C12orf43: variants seen among roughly 807,000 people sequenced by gnomAD.
C12orf43 encodes the protein chromosome 12 open reading frame 43.
In C12orf43, 15 loss-of-function variants were observed where a neutral mutation model predicts 20.6. The ratio of observed to expected loss-of-function variants is 0.73; its 90% CI spans 0.49 to 1.12. C12orf43 has a LOEUF of 1.12. Ranked by LOEUF, C12orf43 falls within the 50% of genes most tolerant of loss-of-function variation. C12orf43 has a pLI of 0.00. For missense variants in C12orf43, 334 were observed against 344.4 expected (o/e 0.97, Z 0.24); for synonymous variants, 144 against 130.8 (o/e 1.10, Z -0.69).
At chr12:121,006,595 A>C in intron 3 of C12orf43, 1 of 564,814 alleles carries the variant, frequency 1.8e-6, no homozygotes, top group South Asian at 2.0e-5. Context: ...TCATTTCTTT[A>C]AAGCCCACTT....
At chr12:121,012,849 T>TAAAAAAAAAAAAAAAAAAAAAA (rs10636003) in intron 1 of C12orf43, among the ~76,000 whole-genome samples, 2 of 91,992 alleles carry the variant, frequency 2.2e-5, no homozygotes, top group African/African-American at 5.1e-5. Context: ...AGACTCCGTC[T>TAAAAAAAAAAAAAAAAAAAAAA]AAAAAAAAAA....
rs1480625208 is a variant in C12orf43, at chr12:121,005,269, AAAAG to A, written c.362-180_362-177del. On this transcript the variant is annotated intron_variant, in intron 4 of 5. Transcript: ENST00000288757. The surrounding 1 kb of genome is among the most constrained non-coding windows in gnomAD (Gnocchi z 5.6). ...GAAGACACAAAATAAAAAAATTTAA[AAAAG>A]AAACAATAACAAAAAAACCCAACCA... Among the ~76,000 whole-genome samples the A allele has an allele frequency of 1.3e-5, 2 of 152,016 alleles. No individual in the cohort carries two copies. Among genetic ancestry groups the A allele is most frequent in the African/African-American group, 4.8e-5 (2 of 41,434 alleles).
chr12:121,014,145 C>T (rs199681764), intron 1 of C12orf43, among the ~76,000 whole-genome samples: 10 of 151,262 alleles, frequency 6.6e-5, no homozygotes, highest in East Asian at 2.0e-4. Context: ...CTGGCCAACA[C>T]GGTGAAACCC....
chr12:121,004,390 C>T lies in C12orf43; in HGVS notation c.552G>A (p.Glu184=), dbSNP rs1396267838. The change falls in exon 6 of 6, where the codon GAG becomes GAA. Residue 184 remains glutamate (E), a synonymous_variant. Coordinates refer to ENST00000288757, the MANE Select transcript of C12orf43 (RefSeq NM_022895.3). The surrounding 1 kb of genome is among the most constrained non-coding windows in gnomAD (Gnocchi z 5.6). ...ESAIHSPGTV[E]KEAKKKRKLK... ...ACTTCCTTTTCTTCTTTGCCTCCTT[C>T]TCCACTGTTCCAGGGCTGTGGATGG... 1 of 1,614,176 alleles carries T rather than the reference C, an allele frequency of 6.2e-7. No homozygotes were observed. Among genetic ancestry groups the T allele is most frequent in the African/African-American group, 1.3e-5 (1 of 75,070 alleles).
At position 121,003,011 on chromosome 12, in the gene C12orf43, CTTCTT is replaced by C. The variant is rs1175018685; in HGVS notation, c.*1137_*1141del. 6.7e-6 allele frequency: 1 copy of C among 149,692 alleles called. No individual in the cohort carries two copies. The highest frequency in any genetic ancestry group is 2.4e-5 in the African/African-American group (1 of 41,062). 9.3% of individuals were successfully genotyped at this position (149,692 alleles called of 1,614,324 possible). ...CACCATCCCTGGCCATGAGCTTCTA[CTTCTT>C]TTCTTTTTCTTTTTCTTTTTTTTTT... On this transcript the variant is annotated 3_prime_UTR_variant, in exon 6 of 6. Coordinates refer to ENST00000288757, the MANE Select transcript of C12orf43 (RefSeq NM_022895.3).
Position 121,003,106 on chromosome 12 carries a change from A to T in C12orf43, c.*1047T>A, listed in dbSNP as rs1198620909. 1 of 150,346 alleles carries T rather than the reference A, an allele frequency of 6.7e-6. No homozygotes were observed. Among genetic ancestry groups the T allele is most frequent in the African/African-American group, 2.5e-5 (1 of 40,698 alleles). The allele number at this position is 150,346 out of a possible 1,614,324, so 9.3% of individuals were successfully genotyped here. On this transcript the variant is annotated 3_prime_UTR_variant, in exon 6 of 6. Transcript: ENST00000288757. ...CAGTGGCGCAATCTCGGCTCACTGC[A>T]ACCTGCACCTCCTGGGTTCAAGCGA...
rs370383863 is a variant in C12orf43 at position 121,016,415 on chromosome 12, C to A, written c.60G>T (p.Ala20=). 4 of 1,613,928 alleles carry A rather than the reference C, an allele frequency of 2.5e-6. No homozygotes were observed. The African/African-American group carries it at 4.0e-5, about 16-fold the overall frequency. ...CCTCGCGGCACCGCTCCAGCTCCTC[C>A]GCATCGCTACTGCTGTTACTACTTT... ...DSESSNSSSD[A]EELERCREAA... is the part of the protein sequence containing the mutation. Residue 20 remains alanine (A), a synonymous_variant, in exon 1 of 6, where the codon GCG becomes GCT. Transcript: ENST00000288757.
chr12:121,014,313 C>T (rs1447242312), intron 1 of C12orf43, among the ~76,000 whole-genome samples: 2 of 151,502 alleles, frequency 1.3e-5, no homozygotes, highest in Non-Finnish European at 2.9e-5. Context: ...GCCTTGGTAA[C>T]AGAGCGAGAC....
chr12:121,012,497 G>A (rs952138658), intron 1 of C12orf43: 20 of 702,284 alleles, frequency 2.8e-5, no homozygotes, highest in Non-Finnish European at 4.7e-5. Flanking sequence ...GCAGGAACAC[G>A]GAGTCTGCTG....
Position 121,009,556 on chromosome 12 carries a change from C to T in C12orf43, c.287+1272G>A, listed in dbSNP as rs76619569. On this transcript the variant is annotated intron_variant, in intron 3 of 5. Transcript: ENST00000288757. ...GGTGGAGCCTTGATGAATGAAATTG[C>T]TGCTCCTATAAAAAAGGTCTGAGAG... Among the ~76,000 whole-genome samples, 489 of 152,222 alleles carry T rather than the reference C, an allele frequency of 3.2e-3. 1 individual carries two copies. The highest frequency in any genetic ancestry group is 0.011 in the African/African-American group (463 of 41,532).
rs888498137 is a variant in C12orf43, at chr12:121,004,801, C to T, written c.452+202G>A. ...ATCAAGTGAGGTGTCTGGCCCAAGA[C>T]AGGTGCTCAAAAGCAGTAAACATCC... On this transcript the variant is annotated intron_variant, in intron 5 of 5. Transcript: ENST00000288757. The surrounding 1 kb of genome is among the most constrained non-coding windows in gnomAD (Gnocchi z 5.6). Among the ~76,000 whole-genome samples the T allele has an allele frequency of 1.3e-5, 2 of 152,154 alleles. No individual in the cohort carries two copies. Among genetic ancestry groups the T allele is most frequent in the Non-Finnish European group, 2.9e-5 (2 of 68,034 alleles).
intron 1 of C12orf43, among the ~76,000 whole-genome samples, chr12:121,011,910 T>C (rs889483883): frequency 6.6e-6 from 1 of 152,334 alleles, no homozygotes; most frequent in Non-Finnish European, 1.5e-5. Flanking sequence ...ATTAACCAGG[T>C]GTTGTCATTG....
intron 1 of C12orf43, among the ~76,000 whole-genome samples, chr12:121,014,887 C>T (rs1476570890): frequency 6.6e-6 from 1 of 151,334 alleles, no homozygotes; most frequent in East Asian, 1.9e-4. Context: ...GTGGGAGGAT[C>T]ATCTGAGTAG....
chr12:121,010,789 T>C lies in C12orf43; in HGVS notation c.287+39A>G, dbSNP rs776061971. 9 of 1,502,524 alleles carry C rather than the reference T, an allele frequency of 6.0e-6. No homozygotes were observed. The South Asian group carries it at 1.2e-4, about 20-fold the overall frequency. The allele number at this position is 1,502,524 out of a possible 1,614,324, so 93.1% of individuals were successfully genotyped here. A position where few individuals can be genotyped will look rare whatever the true frequency, so the allele number is the denominator to read the frequency against. On this transcript the variant is annotated intron_variant, in intron 3 of 5. Transcript: ENST00000288757. Reference sequence around the variant, plus strand: ...CAATGTGAGCCATTGCTGTTCATATTAACAAGGGCAAGAGAGGAGAAACTC... The same window carrying C: ...CAATGTGAGCCATTGCTGTTCATATCAACAAGGGCAAGAGAGGAGAAACTC...
At chr12:121,007,915 C>A (rs1402828164) in intron 3 of C12orf43, among the ~76,000 whole-genome samples, 1 of 151,884 alleles carries the variant, frequency 6.6e-6, no homozygotes, top group African/African-American at 2.4e-5. Flanking sequence ...TGGTGGCCAT[C>A]AGGGGCATTT....
At position 121,000,961 on chromosome 12, in the gene C12orf43, G is replaced by A. The variant is rs548018013; in HGVS notation, c.*3192C>T. The A allele has an allele frequency of 1.8e-4, 260 of 1,483,938 alleles. No homozygotes were observed. The highest frequency in any genetic ancestry group is 2.4e-4 in the Non-Finnish European group (254 of 1,075,028). 91.9% of individuals were successfully genotyped at this position (1,483,938 alleles called of 1,614,324 possible). Reference sequence around the variant, plus strand: ...GGTTCCTGTTATCTGCTGTGATCCAGGAGGTGTGGCCCTGCCTCCCCATCC... The same window carrying A: ...GGTTCCTGTTATCTGCTGTGATCCAAGAGGTGTGGCCCTGCCTCCCCATCC... On this transcript the variant is annotated 3_prime_UTR_variant, in exon 6 of 6. Coordinates refer to ENST00000288757, the MANE Select transcript of C12orf43 (RefSeq NM_022895.3).
Position 121,004,034 on chromosome 12 carries a change from G to T in C12orf43, c.*119C>A. Reference sequence around the variant, plus strand: ...CATCAGGGTCTCATGGGCAGTCTGGGTTTGCCAGCCCAGTCCTTGAACTTG... The same window carrying T: ...CATCAGGGTCTCATGGGCAGTCTGGTTTTGCCAGCCCAGTCCTTGAACTTG... On this transcript the variant is annotated 3_prime_UTR_variant, in exon 6 of 6. Transcript: ENST00000288757. This position sits in a 1 kb window ranked among gnomAD's most constrained non-coding sequence, Gnocchi z 5.6. 2 of 1,180,826 alleles carry T rather than the reference G, an allele frequency of 1.7e-6. No individual in the cohort carries two copies. The highest frequency in any genetic ancestry group is 2.5e-6 in the Non-Finnish European group (2 of 795,556). The allele number at this position is 1,180,826 out of a possible 1,614,324, so 73.1% of individuals were successfully genotyped here.
In C12orf43 at chr12:121,001,282, G is replaced by C; in HGVS notation, c.*2871C>G. The C allele has an allele frequency of 2.0e-6, 3 of 1,496,326 alleles. No individual in the cohort carries two copies. Among genetic ancestry groups the C allele is most frequent in the South Asian group, 1.2e-5 (1 of 85,256 alleles). 92.7% of individuals were successfully genotyped at this position (1,496,326 alleles called of 1,614,324 possible). The stretch of plus-strand genomic sequence containing the variant: ...CCTGCCTGGAGGACCTGAGCCTGCC[G>C]AGCAACCGTGGCCCTTCCTGGACAG... On this transcript the variant is annotated 3_prime_UTR_variant, in exon 6 of 6. Coordinates refer to ENST00000288757, the MANE Select transcript of C12orf43 (RefSeq NM_022895.3).
Position 121,004,457 on chromosome 12 carries a change from C to T in C12orf43, c.485G>A (p.Arg162Gln), listed in dbSNP as rs150785000. 4.5e-4 allele frequency: 722 copies of T among 1,609,236 alleles called. 3 individuals carry two copies. Among genetic ancestry groups the T allele is most frequent in the Admixed American group, 1.8e-3 (107 of 59,892 alleles). The part of the protein sequence containing the change: ...EDSDEEWRRC[R>Q]EAAVSASDIL... ...GTCGGACGCCGACACAGCTGCCTCCCGGCACCGCCGCCACTCCTCGTCACT... is the reference window on the plus strand; with the variant it reads ...GTCGGACGCCGACACAGCTGCCTCCTGGCACCGCCGCCACTCCTCGTCACT... The change falls in exon 6 of 6, where the codon CGG (arginine) becomes CAG (glutamine). Residue 162 changes from arginine to glutamine, a missense_variant. By Grantham distance (43) the Arg-to-Gln change is conservative. Transcript: ENST00000288757. The surrounding 1 kb of genome is among the most constrained non-coding windows in gnomAD (Gnocchi z 5.6).
Sources: allele counts gnomAD v4.1 joint callset (sites outside exome capture counted in the v4.1 genomes callset), GRCh38; gene constraint gnomAD v4.1.1; non-coding constraint Gnocchi (gnomAD v3.1); transcripts MANE v1.5; gene names NCBI Gene and HGNC (gene_info 2026-07-23, HGNC 2026-07-21).